Variants in GRID1 observed in about 807,000 individuals in gnomAD.
GRID1 encodes the protein glutamate receptor ionotropic, delta-1.
GRID1 carries 28 observed loss-of-function variants against 98.0 expected under a neutral mutation model. The ratio of observed to expected loss-of-function variants is 0.29; its 90% CI spans 0.21 to 0.39. The LOEUF is 0.39. Among genes scored for constraint, GRID1 ranks in the 10% least tolerant of loss-of-function variants. The pLI, the probability that GRID1 is intolerant of heterozygous loss-of-function variation, is 1.00. For synonymous variants in GRID1, 553 were observed against 538.5 expected (o/e 1.03, Z -0.37); for missense variants, 1,111 against 1,340.5 (o/e 0.83, Z 2.67).
At chr10:85,973,136 G>C (rs1180140306) in intron 4 of GRID1, among the ~76,000 whole-genome samples, 1 of 152,146 alleles carries the variant, frequency 6.6e-6, no homozygotes, top group Non-Finnish European at 1.5e-5. Context: ...CTTTTGTCCA[G>C]TGTTAACCAG....
intron 2 of GRID1, among the ~76,000 whole-genome samples, chr10:86,213,414 C>T (rs1243975712): frequency 6.6e-6 from 1 of 152,068 alleles, no homozygotes; most frequent in Non-Finnish European, 1.5e-5. Context: ...CCAAGTTCAA[C>T]GAATGACTTA....
chr10:85,902,242 G>A (rs1841399158), intron 5 of GRID1, among the ~76,000 whole-genome samples: 1 of 152,196 alleles, frequency 6.6e-6, no homozygotes, highest in South Asian at 2.1e-4. Context: ...CTAGTAGTAG[G>A]TGACTAATGG....
chr10:85,842,451 T>C (rs1199989602), intron 8 of GRID1, among the ~76,000 whole-genome samples: 2 of 152,048 alleles, frequency 1.3e-5, no homozygotes, highest in African/African-American at 4.8e-5. Context: ...CCTAAACATG[T>C]ATTCCTGAAC....
chr10:85,959,148 TC>T (rs1191576025), intron 4 of GRID1, among the ~76,000 whole-genome samples: 7 of 152,098 alleles, frequency 4.6e-5, no homozygotes, highest in Non-Finnish European at 7.4e-5. Flanking sequence ...TGACTGCACA[TC>T]TTGGGATTTG....
chr10:85,794,269 G>C (rs1201504916), intron 8 of GRID1, among the ~76,000 whole-genome samples: 2 of 152,158 alleles, frequency 1.3e-5, no homozygotes, highest in Admixed American at 6.5e-5. Context: ...TGCTTAATAT[G>C]ATCAGTAACC....
chr10:85,795,284 T>A (rs1009339993), intron 8 of GRID1, among the ~76,000 whole-genome samples: 1 of 152,180 alleles, frequency 6.6e-6, no homozygotes. Flanking sequence ...ATTCCTCTAC[T>A]GTGTGCTTCC....
chr10:85,708,262 G>C (rs1841545193), intron 12 of GRID1, among the ~76,000 whole-genome samples: 1 of 152,096 alleles, frequency 6.6e-6, no homozygotes, highest in Admixed American at 6.5e-5. Flanking sequence ...AAATTAGCCA[G>C]GCGTGGTGGT....
intron 4 of GRID1, among the ~76,000 whole-genome samples, chr10:86,104,880 G>A (rs1430147859): frequency 1.3e-5 from 2 of 152,180 alleles, no homozygotes; most frequent in Non-Finnish European, 2.9e-5. Flanking sequence ...GTGCGACAGC[G>A]GACAGGGGGG....
intron 2 of GRID1, among the ~76,000 whole-genome samples, chr10:86,283,971 C>G (rs116661935): frequency 6.7e-6 from 1 of 150,284 alleles, no homozygotes; most frequent in Non-Finnish European, 1.5e-5. Flanking sequence ...CATATACACA[C>G]CTGCCCTCTC....
chr10:85,604,215 C>A (rs1446361327), intron 15 of GRID1, among the ~76,000 whole-genome samples: 1 of 152,148 alleles, frequency 6.6e-6, no homozygotes, highest in Non-Finnish European at 1.5e-5. Flanking sequence ...CTCTCCGCAC[C>A]TTTATGAGTT....
intron 4 of GRID1, among the ~76,000 whole-genome samples, chr10:86,063,837 T>A (rs960342719): frequency 9.9e-5 from 15 of 152,146 alleles, no homozygotes; most frequent in Non-Finnish European, 2.2e-4. Flanking sequence ...AAATAAAGTT[T>A]TATTAAAGCA....
At chr10:86,295,766 C>T (rs752519641) in intron 2 of GRID1, among the ~76,000 whole-genome samples, 8 of 152,174 alleles carry the variant, frequency 5.3e-5, no homozygotes, top group Non-Finnish European at 7.3e-5. Flanking sequence ...CAGCATCTAA[C>T]GACATTCTAC....
chr10:86,242,498 C>T (rs1467610615), intron 2 of GRID1, among the ~76,000 whole-genome samples: 1 of 152,228 alleles, frequency 6.6e-6, no homozygotes, highest in Non-Finnish European at 1.5e-5. Flanking sequence ...GAGGGATGCC[C>T]TCATCAGGCA....
chr10:85,960,191 C>T (rs111711275), intron 4 of GRID1, among the ~76,000 whole-genome samples: 21 of 152,330 alleles, frequency 1.4e-4, no homozygotes, highest in African/African-American at 9.6e-5. Context: ...TGAGCCACCA[C>T]GCTCAGCCTC....
intron 4 of GRID1, among the ~76,000 whole-genome samples, chr10:85,931,781 T>C (rs1230256983): frequency 6.6e-6 from 1 of 152,210 alleles, no homozygotes; most frequent in Non-Finnish European, 1.5e-5. Context: ...TTAATTGTCC[T>C]TTCATGTTTA....
Position 85,602,670 on chromosome 10 carries a change from C to T in GRID1, c.2633G>A (p.Arg878Gln), listed in dbSNP as rs370837031. The change falls in exon 16 of 16, where the codon CGG (arginine) becomes CAG (glutamine). Residue 878 changes from arginine to glutamine, a missense_variant. Physicochemically the swap from Arg to Gln is conservative, Grantham distance 43 (BLOSUM62 1). Around this residue, in one of 3 missense-constraint regions of GRID1, gnomAD observed 762 missense variants for 869.1 expected, o/e 0.88. Coordinates refer to ENST00000327946, the MANE Select transcript of GRID1 (RefSeq NM_017551.3). The stretch of plus-strand genomic sequence containing the variant: ...TTCATCCATGAGGCTGTTCATGCGC[C>T]GGTGGACCTGCTCCAAGTTCACTTC... ...DKEVNLEQVH[R>Q]RMNSLMDEDI... 252 of 1,613,308 alleles carry T rather than the reference C, an allele frequency of 1.6e-4. No homozygotes were observed. The South Asian group carries it at 2.3e-3, about 15-fold the overall frequency.
chr10:85,700,497 A>T (rs1460703946), intron 12 of GRID1, among the ~76,000 whole-genome samples: 3 of 152,196 alleles, frequency 2.0e-5, no homozygotes, highest in African/African-American at 7.2e-5. Context: ...TAAACAAAGT[A>T]TTTCCTAAAT....
At chr10:86,013,219 G>C (rs550505340) in intron 4 of GRID1, among the ~76,000 whole-genome samples, 3 of 152,134 alleles carry the variant, frequency 2.0e-5, no homozygotes, top group Non-Finnish European at 2.9e-5. Flanking sequence ...AATCAAGTGA[G>C]GGCTAATAAG....
chr10:85,627,256 A>T (rs927199851), intron 13 of GRID1, among the ~76,000 whole-genome samples: 3 of 152,252 alleles, frequency 2.0e-5, no homozygotes, highest in Non-Finnish European at 4.4e-5. Context: ...TGTGCAGACA[A>T]GTTGTTTAAC....
Sources: allele counts gnomAD v4.1 joint callset (sites outside exome capture counted in the v4.1 genomes callset), GRCh38; gene constraint gnomAD v4.1.1; regional missense constraint gnomAD v4.1.1; transcripts MANE v1.5; gene names NCBI Gene and HGNC (gene_info 2026-07-23, HGNC 2026-07-21).